The following ZGRF1 variants were observed in gnomAD, a reference collection of about 807,000 sequenced individuals.
The protein encoded by ZGRF1 is 5'-3' DNA helicase ZGRF1.
ZGRF1 carries 196 observed loss-of-function variants against 203.5 expected under a neutral mutation model. The ratio of observed to expected loss-of-function variants is 0.96; its 90% CI spans 0.86 to 1.08. ZGRF1 has a LOEUF of 1.08. ZGRF1 is among the 50% of genes least tolerant of loss of function. The pLI is 0.00. For missense variants in ZGRF1, 2,326 were observed against 2,416.3 expected, an observed-to-expected ratio of 0.96 and a Z score of 0.78; for synonymous variants, 809 against 841.3, an observed-to-expected ratio of 0.96 and a Z score of 0.66.
chr4:112,565,030 A>G (rs1742761944), intron 16 of ZGRF1: 2 of 1,030,248 alleles, frequency 1.9e-6, no homozygotes, highest in Non-Finnish European at 3.1e-6. Context: ...AACCGGTGGT[A>G]AACCACCCAG....
intron 18 of ZGRF1, chr4:112,561,210 G>A: frequency 1.9e-6 from 1 of 513,238 alleles, no homozygotes; most frequent in Non-Finnish European, 3.5e-6. Flanking sequence ...CTTACTACAT[G>A]CTGACACTTT....
At chr4:112,567,807 T>A (rs1743410085) in intron 16 of ZGRF1, among the ~76,000 whole-genome samples, 1 of 152,176 alleles carries the variant, frequency 6.6e-6, no homozygotes, top group East Asian at 1.9e-4. Flanking sequence ...GAACCTGTAG[T>A]CCCAGCTAGT....
In ZGRF1 at chr4:112,547,352, A is replaced by C. The variant is rs1217170240; in HGVS notation, c.5531T>G (p.Ile1844Ser). Residue 1844 changes from isoleucine to serine, a missense_variant, in exon 24 of 28, where the codon ATT becomes AGT. By Grantham distance (142) the Ile-to-Ser change is moderately radical. Transcript: ENST00000505019. ...VGDPKQLPPT[I>S]QGSDAAHENG... Reference sequence around the variant, plus strand: ...TTCATGAGCTGCATCAGAACCCTGAATAGTAGGAGGTAGCTGTTTGGGATC... The same window carrying C: ...TTCATGAGCTGCATCAGAACCCTGACTAGTAGGAGGTAGCTGTTTGGGATC... The C allele has an allele frequency of 6.2e-7, 1 of 1,613,536 alleles. No individual in the cohort carries two copies. The highest frequency in any genetic ancestry group is 8.5e-7 in the Non-Finnish European group (1 of 1,179,696).
At chr4:112,623,975 T>C (rs758375671) in intron 3 of ZGRF1, 99 bp from the exon 4 acceptor site, 5 of 658,264 alleles carry the variant, frequency 7.6e-6, no homozygotes, top group Non-Finnish European at 1.3e-5. Flanking sequence ...TAAGTAATCA[T>C]ATAATGAAAG....
At position 112,587,777 on chromosome 4, in the gene ZGRF1, A is replaced by T. The variant is rs1335131739; in HGVS notation, c.3280T>A (p.Ser1094Thr). 5.1e-6 allele frequency: 8 copies of T among 1,553,486 alleles called. No individual in the cohort carries two copies. Among genetic ancestry groups the T allele is most frequent in the Non-Finnish European group, 7.0e-6 (8 of 1,147,812 alleles). The change falls in exon 12 of 28, where the codon TCT becomes ACT. Residue 1094 changes from serine (S) to threonine (T), a missense_variant. Coordinates refer to ENST00000505019, the MANE Select transcript of ZGRF1 (RefSeq NM_018392.5). The stretch of plus-strand genomic sequence containing the variant: ...AAATTGAGCATGGGGGAGCCAGAAG[A>T]CTCGTATGTGTTAGAGTTGATCATA... Reference protein sequence around the residue: ...SYMINSNTYESSGSPMLNLCE... With the variant: ...SYMINSNTYETSGSPMLNLCE...
In ZGRF1 at chr4:112,541,188, T is replaced by C. The variant is rs1737512908; in HGVS notation, c.5679A>G (p.Lys1893=). The C allele has an allele frequency of 1.2e-6, 2 of 1,612,460 alleles. No homozygotes were observed. The highest frequency in any genetic ancestry group is 1.7e-6 in the Non-Finnish European group (2 of 1,178,952). ...CTGTTACACCATTCATGAGGGCTCC[T>C]TTGTAAAACAGATCATTAGCAATAG... The part of the protein sequence containing the change: ...ISAIANDLFY[K]GALMNGVTEI... The change falls in exon 25 of 28, where the codon AAA becomes AAG. Residue 1893 remains lysine, a synonymous_variant. Transcript: ENST00000505019.
chr4:112,559,888 C>T (rs1560759334), intron 19 of ZGRF1, among the ~76,000 whole-genome samples: 1 of 152,052 alleles, frequency 6.6e-6, no homozygotes, highest in African/African-American at 2.4e-5. Flanking sequence ...TGAGGGGATA[C>T]AAGTAAACTG....
At chr4:112,589,548 T>A (rs1178355719) in intron 11 of ZGRF1, 176 bp downstream of exon 11, 4 of 596,676 alleles carry the variant, frequency 6.7e-6, no homozygotes, top group Non-Finnish European at 1.2e-5. Flanking sequence ...GGGAATATTG[T>A]ACCTGGAATA....
At position 112,563,901 on chromosome 4, in the gene ZGRF1, G is replaced by A. The variant is rs940709407; in HGVS notation, c.4439-627C>T. On this transcript the variant is annotated intron_variant, in intron 16 of 27. Transcript: ENST00000505019. ...CACTCCCTTTAACCTCTCTTATAAG[G>A]CCACTAATCCCATGCAGGATTAAGT... Among the ~76,000 whole-genome samples the A allele has an allele frequency of 2.2e-4, 34 of 152,084 alleles. 1 individual carries two copies.
At chr4:112,628,619 G>C (rs1229828577) in intron 3 of ZGRF1, 2 of 456,074 alleles carry the variant, frequency 4.4e-6, no homozygotes, top group Non-Finnish European at 8.8e-6. Context: ...TAATTAACTT[G>C]CCTGGAACAT....
At chr4:112,563,313 T>C (rs1236344077) in intron 16 of ZGRF1, 39 bp from the exon 17 acceptor site, 4 of 1,446,274 alleles carry the variant, frequency 2.8e-6, no homozygotes, top group Non-Finnish European at 3.8e-6. Context: ...CACAGACATA[T>C]ACAGTATGGT....
chr4:112,548,260 T>A lies in ZGRF1; in HGVS notation c.5467A>T (p.Ile1823Phe). Residue 1823 changes from isoleucine (I) to phenylalanine (F), a missense_variant, in exon 23 of 28, where the codon ATT (isoleucine) becomes TTT (phenylalanine). Physicochemically the swap from Ile to Phe is conservative, Grantham distance 21. Coordinates refer to ENST00000505019, the MANE Select transcript of ZGRF1 (RefSeq NM_018392.5). Reference sequence around the variant, plus strand: ...AAGAATCTTTTAGGTTACCTTGCAATGGGAAGGAGAGAGGCCGGTTCAGTT... The same window carrying A: ...AAGAATCTTTTAGGTTACCTTGCAAAGGGAAGGAGAGAGGCCGGTTCAGTT... The part of the protein sequence containing the change: ...QITEPASLLP[I>F]ARFECEKLIL... 6.4e-7 allele frequency: 1 copy of A among 1,552,060 alleles called. No homozygotes were observed. The highest frequency in any genetic ancestry group is 8.7e-7 in the Non-Finnish European group (1 of 1,146,994).
At chr4:112,634,158 C>A (rs1281949019) in intron 1 of ZGRF1, among the ~76,000 whole-genome samples, 3 of 152,150 alleles carry the variant, frequency 2.0e-5, no homozygotes, top group Admixed American at 2.0e-4. Context: ...AGATATTATG[C>A]TAAAGTATTT....
chr4:112,568,638 G>C (rs1488134218), intron 16 of ZGRF1, among the ~76,000 whole-genome samples: 1 of 150,596 alleles, frequency 6.6e-6, no homozygotes, highest in East Asian at 2.0e-4. Flanking sequence ...TTGAACCCGG[G>C]AGGTGGAGGT....
chr4:112,619,201 T>C lies in ZGRF1; in HGVS notation c.841A>G (p.Lys281Glu), dbSNP rs769731239. 41 of 1,613,302 alleles carry C rather than the reference T, an allele frequency of 2.5e-5. No homozygotes were observed. The highest frequency in any genetic ancestry group is 3.4e-5 in the Non-Finnish European group (40 of 1,179,988). The change falls in exon 6 of 28, where the codon AAA becomes GAA. Residue 281 changes from lysine (K) to glutamate (E), a missense_variant. Lys to Glu is a moderately conservative substitution (Grantham distance 56). Coordinates refer to ENST00000505019, the MANE Select transcript of ZGRF1 (RefSeq NM_018392.5). ...ATTTTTAAACTTCCTTGTGGTTGTT[T>C]TTGAGGAAAATGCTCTGTCATCTCA... ...NSEMTEHFPQKQPQGSLKIAT... is the reference protein window; with the variant it reads ...NSEMTEHFPQEQPQGSLKIAT...
intron 10 of ZGRF1, among the ~76,000 whole-genome samples, chr4:112,594,409 T>C (rs1424012621): frequency 6.6e-6 from 1 of 152,014 alleles, no homozygotes; most frequent in Non-Finnish European, 1.5e-5. Context: ...TTCTAATTGG[T>C]TAGGAAAGCT....
intron 3 of ZGRF1, among the ~76,000 whole-genome samples, chr4:112,628,136 T>A (rs2047295278): frequency 6.6e-6 from 1 of 152,212 alleles, no homozygotes; most frequent in Non-Finnish European, 1.5e-5. Flanking sequence ...CATATTATGA[T>A]CCTTATGCCC....
At chr4:112,610,835 A>G (rs781489576) in intron 7 of ZGRF1, 1 of 172,678 alleles carries the variant, frequency 5.8e-6, no homozygotes, top group Non-Finnish European at 1.3e-5. Flanking sequence ...AATAACTTTT[A>G]AAAAGTATGT....
chr4:112,631,395 G>A (rs565817043), intron 3 of ZGRF1, among the ~76,000 whole-genome samples: 1 of 152,080 alleles, frequency 6.6e-6, no homozygotes, highest in East Asian at 1.9e-4. Context: ...CTCAGCCGGG[G>A]GCAGTGGCTC....
Sources: gnomAD v4.1 joint callset for allele counts (sites outside exome capture counted in the v4.1 genomes callset) on GRCh38, gnomAD v4.1.1 for gene constraint, MANE v1.5 for transcripts, NCBI Gene and HGNC (gene_info 2026-07-23, HGNC 2026-07-21) for gene names.